Variants in FBXW8 observed in about 807,000 individuals in gnomAD.
The protein encoded by FBXW8 is F-box/WD repeat-containing protein 8.
FBXW8 carries 57 observed loss-of-function variants against 65.3 expected under a neutral mutation model. The observed-to-expected ratio is 0.87, with a 90% CI of 0.71 to 1.09. The LOEUF (loss-of-function observed/expected upper bound fraction) is 1.09, where lower values mean the gene tolerates loss of function less well. Ranked by LOEUF, FBXW8 falls within the 50% of genes least tolerant of loss-of-function variation. The pLI is 0.00. For missense variants in FBXW8, 777 were observed against 814.8 expected (o/e 0.95, Z 0.57); for synonymous variants, 308 against 330.2 (o/e 0.93, Z 0.73).
At chr12:117,009,079 C>T (rs566887651) in intron 7 of FBXW8, among the ~76,000 whole-genome samples, 1 of 151,860 alleles carries the variant, frequency 6.6e-6, no homozygotes, top group East Asian at 1.9e-4. Flanking sequence ...AAAACAAAAA[C>T]AAAAACCTTT....
At chr12:116,960,169 T>C (rs1883895711) in intron 4 of FBXW8, among the ~76,000 whole-genome samples, 1 of 152,228 alleles carries the variant, frequency 6.6e-6, no homozygotes, top group Admixed American at 6.5e-5. Context: ...TCCTGGCCAA[T>C]GTTGTTAAGC....
At chr12:116,954,839 G>A (rs1883531910) in intron 4 of FBXW8, among the ~76,000 whole-genome samples, 1 of 152,148 alleles carries the variant, frequency 6.6e-6, no homozygotes, top group African/African-American at 2.4e-5. Context: ...GCTGTACATA[G>A]TGAGAGCCCG....
At chr12:116,983,904 A>G (rs1313732921) in intron 5 of FBXW8, among the ~76,000 whole-genome samples, 1 of 152,212 alleles carries the variant, frequency 6.6e-6, no homozygotes, top group Non-Finnish European at 1.5e-5. Flanking sequence ...CTTCAACTTT[A>G]CAGAAAGGCT....
At chr12:116,915,533 G>C (rs1230166788) in intron 1 of FBXW8, among the ~76,000 whole-genome samples, 1 of 151,490 alleles carries the variant, frequency 6.6e-6, no homozygotes, top group Non-Finnish European at 1.5e-5. Context: ...CCCCTGCCCT[G>C]TGTTCCCTTC....
At chr12:116,949,296 C>G (rs566342196) in intron 3 of FBXW8, 1 of 294,982 alleles carries the variant, frequency 3.4e-6, no homozygotes, top group South Asian at 6.3e-5. Flanking sequence ...CCAGCAGATA[C>G]ATGCCAGCCT....
chr12:116,916,232 A>G (rs1033254151), intron 1 of FBXW8, among the ~76,000 whole-genome samples: 26 of 152,180 alleles, frequency 1.7e-4, no homozygotes, highest in African/African-American at 6.3e-4. Flanking sequence ...TGGGAGTGGA[A>G]TTGGTGAGTC....
chr12:116,951,091 T>C (rs745975313), intron 4 of FBXW8: 1 of 152,214 alleles, frequency 6.6e-6, no homozygotes, highest in Non-Finnish European at 1.5e-5. Context: ...TGCCAGTCCT[T>C]CTCTCTCTGC....
chr12:117,010,879 G>C lies in FBXW8; in HGVS notation c.1367+429G>C, dbSNP rs1005215649. Among the ~76,000 whole-genome samples the C allele has an allele frequency of 2.0e-5, 3 of 152,326 alleles. 1 individual carries two copies. The South Asian group carries it at 6.2e-4, about 32-fold the overall frequency. ...CAAGAGTGTATTTCAGAACACGGTG[G>C]TGTCCCTCTGGTGATGGAAGGAAAG... is the stretch of plus-strand genomic sequence containing the variant. On this transcript the variant is annotated intron_variant, in intron 8 of 10. Transcript: ENST00000652555.
At chr12:116,968,003 A>C (rs558197821) in intron 5 of FBXW8, among the ~76,000 whole-genome samples, 33 of 152,222 alleles carry the variant, frequency 2.2e-4, no homozygotes, top group African/African-American at 7.9e-4. Flanking sequence ...CCTGACCTCA[A>C]GTGATCTGCC....
chr12:116,919,579 C>T (rs553922200), intron 1 of FBXW8, among the ~76,000 whole-genome samples: 18 of 152,282 alleles, frequency 1.2e-4, no homozygotes, highest in South Asian at 6.2e-4. Context: ...AGCTTATCAC[C>T]GATAAGCCCT....
chr12:116,987,149 TG>T (rs1195773450), intron 6 of FBXW8: 12 of 152,270 alleles, frequency 7.9e-5, no homozygotes, highest in African/African-American at 2.9e-4. Context: ...GGCTGTCCTT[TG>T]TGATGGACCC....
intron 4 of FBXW8, among the ~76,000 whole-genome samples, chr12:116,958,792 C>T (rs546761121): frequency 1.3e-5 from 2 of 152,338 alleles, no homozygotes; most frequent in East Asian, 3.9e-4. Flanking sequence ...GGCAGAGATG[C>T]TGCCCTCCTC....
intron 8 of FBXW8, among the ~76,000 whole-genome samples, chr12:117,016,867 G>T (rs1048869458): frequency 1.1e-4 from 17 of 152,148 alleles, no homozygotes; most frequent in Non-Finnish European, 2.9e-5. Context: ...CAGCTATCCT[G>T]GCACCATCTG....
At chr12:116,997,340 G>C (rs1953401139) in intron 7 of FBXW8, among the ~76,000 whole-genome samples, 1 of 152,180 alleles carries the variant, frequency 6.6e-6, no homozygotes, top group Non-Finnish European at 1.5e-5. Flanking sequence ...CTGGAAGGGA[G>C]TGATAAAGTT....
chr12:116,960,168 A>G (rs1250317607), intron 4 of FBXW8, among the ~76,000 whole-genome samples: 1 of 152,186 alleles, frequency 6.6e-6, no homozygotes, highest in South Asian at 2.1e-4. Flanking sequence ...CTCCTGGCCA[A>G]TGTTGTTAAG....
intron 5 of FBXW8, among the ~76,000 whole-genome samples, chr12:116,973,656 C>T (rs116468451): frequency 0.015 from 2,295 of 152,284 alleles, 53 homozygotes; most frequent in African/African-American, 0.046. Flanking sequence ...CTGTCCTCTT[C>T]AGCACTGTCA....
rs1248694105 is a variant in FBXW8, at chr12:117,023,857, C to T, written c.1368-290C>T. Among the ~76,000 whole-genome samples, 3 of 152,234 alleles carry T rather than the reference C, an allele frequency of 2.0e-5. No homozygotes were observed. The South Asian group carries it at 6.2e-4, about 32-fold the overall frequency. ...GGGACAGGCGTCTCAGGCCAACCTG[C>T]GCATGCAGTCATGCAGGTGGCTTTT... On this transcript the variant is annotated intron_variant, in intron 8 of 10. Transcript: ENST00000652555.
intron 6 of FBXW8, among the ~76,000 whole-genome samples, chr12:116,988,070 A>G (rs1233927978): frequency 6.6e-6 from 1 of 152,220 alleles, no homozygotes; most frequent in African/African-American, 2.4e-5. Context: ...CAGCGTATAG[A>G]TACACTGAGT....
chr12:117,022,118 A>G (rs1305195121), intron 8 of FBXW8, among the ~76,000 whole-genome samples: 1 of 152,140 alleles, frequency 6.6e-6, no homozygotes, highest in Admixed American at 6.5e-5. Context: ...GGTCCTTAAC[A>G]GGTCTGGCCA....
Sources: gnomAD v4.1 joint callset for allele counts (sites outside exome capture counted in the v4.1 genomes callset) on GRCh38, gnomAD v4.1.1 for gene constraint, MANE v1.5 for transcripts, NCBI Gene and HGNC (gene_info 2026-07-23, HGNC 2026-07-21) for gene names.